The following CEP120 variants were observed in gnomAD, a reference collection of about 807,000 sequenced individuals.
CEP120 encodes centrosomal protein of 120 kDa.
A neutral mutation model predicts 126.5 loss-of-function variants in CEP120; 113 were observed. The ratio of observed to expected loss-of-function variants is 0.89; its 90% CI spans 0.77 to 1.04. The LOEUF is 1.04. CEP120 is among the 50% of genes least tolerant of loss of function. The probability of loss-of-function intolerance (pLI) is 0.00; values close to 1 mark genes in which losing one functional copy is unlikely to be tolerated. For synonymous variants in CEP120, 400 were observed against 394.3 expected, an observed-to-expected ratio of 1.01 and a Z score of -0.17; for missense variants, 1,230 against 1,155.7, an observed-to-expected ratio of 1.06 and a Z score of -0.93.
intron 4 of CEP120, among the ~76,000 whole-genome samples, chr5:123,405,306 C>A (rs1224003655): frequency 1.3e-5 from 2 of 152,190 alleles, no homozygotes; most frequent in African/African-American, 4.8e-5. Flanking sequence ...CAGCCCCACA[C>A]TTTCGTGACT....
At chr5:123,420,940 G>A (rs773096464) in intron 1 of CEP120, among the ~76,000 whole-genome samples, 2 of 152,152 alleles carry the variant, frequency 1.3e-5, no homozygotes, top group African/African-American at 2.4e-5. Context: ...GCAACAGCAT[G>A]GTTATGATGA....
intron 4 of CEP120, among the ~76,000 whole-genome samples, chr5:123,405,560 C>A (rs1044026706): frequency 1.3e-5 from 2 of 152,116 alleles, no homozygotes; most frequent in African/African-American, 4.8e-5. Context: ...GTCTTCCATG[C>A]AAGGGAAGGG....
intron 18 of CEP120, among the ~76,000 whole-genome samples, chr5:123,360,596 T>G (rs1250916925): frequency 6.6e-6 from 1 of 151,236 alleles, no homozygotes; most frequent in Non-Finnish European, 1.5e-5. Flanking sequence ...TCTGAATGTT[T>G]GTGATATTCT....
chr5:123,401,115 C>G lies in CEP120; in HGVS notation c.464-1831G>C, dbSNP rs1401814470. Reference sequence around the variant, plus strand: ...GCCGCTGGTGGTCTTCGTATGAATACTCATGTTCTGCATCCCAGACTCCAG... The same window carrying G: ...GCCGCTGGTGGTCTTCGTATGAATAGTCATGTTCTGCATCCCAGACTCCAG... On this transcript the variant is annotated intron_variant, in intron 4 of 19. Coordinates refer to ENST00000306467, the MANE Select transcript of CEP120 (RefSeq NM_001375405.1). 2.5e-6 allele frequency: 4 copies of G among 1,600,534 alleles called. 1 individual carries two copies. In the South Asian group the frequency reaches 4.4e-5, roughly 18 times the overall value.
chr5:123,379,794 G>A (rs981060331), intron 14 of CEP120, among the ~76,000 whole-genome samples: 4 of 152,084 alleles, frequency 2.6e-5, no homozygotes, highest in Non-Finnish European at 5.9e-5. Context: ...AATGCAGAGT[G>A]TATTTCAAAC....
At chr5:123,369,366 A>C (rs899677987) in intron 17 of CEP120, among the ~76,000 whole-genome samples, 1 of 152,080 alleles carries the variant, frequency 6.6e-6, no homozygotes, top group African/African-American at 2.4e-5. Context: ...AGTACAGAGA[A>C]GTAAACTAAG....
rs1363564890 is a variant in CEP120 at position 123,417,361 on chromosome 5, CAT to C, written c.206+996_206+997del. Reference sequence around the variant, plus strand: ...GAACAAGCAAGTATTAAAGTGATAACATGTTTTCCAGAAGAAAATATATTTTT... The same window carrying C: ...GAACAAGCAAGTATTAAAGTGATAACGTTTTCCAGAAGAAAATATATTTTT... On this transcript the variant is annotated intron_variant, in intron 2 of 19. Transcript: ENST00000306467. Among the ~76,000 whole-genome samples, 5 of 151,988 alleles carry C rather than the reference CAT, an allele frequency of 3.3e-5. No homozygotes were observed. The East Asian group carries it at 5.8e-4, about 18-fold the overall frequency.
At chr5:123,372,545 T>C (rs1770921945) in intron 17 of CEP120, 105 bp downstream of exon 17, 2 of 1,174,802 alleles carry the variant, frequency 1.7e-6, no homozygotes, top group Middle Eastern at 2.6e-4. Context: ...TTATTTGACA[T>C]CAGAACACTA....
At chr5:123,393,939 T>C (rs186106898) in intron 5 of CEP120, among the ~76,000 whole-genome samples, 4 of 152,328 alleles carry the variant, frequency 2.6e-5, no homozygotes, top group South Asian at 2.1e-4. Context: ...AACATCTTAG[T>C]TGAGGTCTCC....
chr5:123,356,294 G>C (rs1474980160), intron 18 of CEP120, among the ~76,000 whole-genome samples: 3 of 152,088 alleles, frequency 2.0e-5, no homozygotes, highest in Non-Finnish European at 4.4e-5. Flanking sequence ...GAACTTTAAA[G>C]TAGTTTTTTC....
intron 18 of CEP120, among the ~76,000 whole-genome samples, chr5:123,360,087 G>T (rs1769962722): frequency 1.3e-5 from 2 of 151,902 alleles, no homozygotes; most frequent in Admixed American, 6.6e-5. Flanking sequence ...CAGAGGCAAT[G>T]TAAAATTAAC....
At chr5:123,401,324 T>C (rs1321841089) in intron 4 of CEP120, 2 of 1,603,602 alleles carry the variant, frequency 1.2e-6, no homozygotes, top group Non-Finnish European at 8.5e-7. Context: ...CTCTCCACAC[T>C]GCTCGGCATC....
chr5:123,401,135 C>A, intron 4 of CEP120: 4 of 1,605,734 alleles, frequency 2.5e-6, no homozygotes, highest in South Asian at 1.1e-5. Flanking sequence ...GCATCCCAGA[C>A]TCCAGCCGGC....
At chr5:123,397,501 C>T (rs1772864677) in intron 5 of CEP120, among the ~76,000 whole-genome samples, 1 of 151,266 alleles carries the variant, frequency 6.6e-6, no homozygotes, top group Admixed American at 6.6e-5. Context: ...AAACTATTAA[C>T]AATCCATAAG....
chr5:123,414,784 G>A (rs1394713956), intron 3 of CEP120, among the ~76,000 whole-genome samples: 1 of 151,690 alleles, frequency 6.6e-6, no homozygotes, highest in Non-Finnish European at 1.5e-5. Context: ...GGCTAACACG[G>A]TGAAACCCCG....
At position 123,345,858 on chromosome 5, in the gene CEP120, CTA is replaced by C. The variant is rs2126955777; in HGVS notation, c.*659_*660del. On this transcript the variant is annotated 3_prime_UTR_variant, in exon 20 of 20. Coordinates refer to ENST00000306467, the MANE Select transcript of CEP120 (RefSeq NM_001375405.1). ...TTGAGGAAGAAACCAACAGAGAAAA[CTA>C]TATTAAGCTAATACTTCATGTTCTT... 1 of 152,126 alleles carries C rather than the reference CTA, an allele frequency of 6.6e-6. No homozygotes were observed. Among genetic ancestry groups the C allele is most frequent in the Admixed American group, 6.5e-5 (1 of 15,270 alleles). The allele number at this position is 152,126 out of a possible 1,614,324, so 9.4% of individuals were successfully genotyped here.
intron 16 of CEP120, among the ~76,000 whole-genome samples, chr5:123,377,045 G>C (rs1379181614): frequency 6.6e-6 from 1 of 152,038 alleles, no homozygotes; most frequent in Non-Finnish European, 1.5e-5. Context: ...TAGGAACAGA[G>C]ACAATTCTCT....
Position 123,377,509 on chromosome 5 carries a change from T to C in CEP120, c.2223A>G (p.Gln741=). ...SELQREKKEL[Q]SERQRNLQEL... The stretch of plus-strand genomic sequence containing the variant: ...CTTGCAGGTTCCGCTGACGTTCTGA[T>C]TGCAGTTCCTTTTTTTCTCTTTGAA... The change falls in exon 16 of 20, where the codon CAA becomes CAG. Residue 741 remains glutamine, a synonymous_variant. Coordinates refer to ENST00000306467, the MANE Select transcript of CEP120 (RefSeq NM_001375405.1). 1 of 1,584,934 alleles carries C rather than the reference T, an allele frequency of 6.3e-7. No individual in the cohort carries two copies. The highest frequency in any genetic ancestry group is 1.2e-5 in the South Asian group (1 of 84,778).
chr5:123,390,340 T>C (rs1772312112), intron 7 of CEP120, 200 bp from the exon 8 acceptor site: 1 of 647,798 alleles, frequency 1.5e-6, no homozygotes, highest in Non-Finnish European at 2.8e-6. Context: ...AAATATGATA[T>C]CCAGAGCTGA....
Sources: gnomAD v4.1 joint callset for allele counts (sites outside exome capture counted in the v4.1 genomes callset) on GRCh38, gnomAD v4.1.1 for gene constraint, MANE v1.5 for transcripts, NCBI Gene and HGNC (gene_info 2026-07-23, HGNC 2026-07-21) for gene names.